Variants in PLXDC2 observed in about 807,000 individuals in gnomAD.
PLXDC2 encodes the protein plexin domain containing 2.
Under a neutral mutation model 68.9 loss-of-function variants are expected in PLXDC2, and 40 were observed. The observed-to-expected ratio is 0.58, with a 90% confidence interval of 0.45 to 0.76. PLXDC2 has a LOEUF of 0.76. Among genes scored for constraint, PLXDC2 ranks in the 30% least tolerant of loss-of-function variants. The pLI, the probability that PLXDC2 is intolerant of heterozygous loss-of-function variation, is 0.00. For missense variants in PLXDC2, 644 were observed against 661.9 expected, an observed-to-expected ratio of 0.97 and a Z score of 0.30; for synonymous variants, 243 against 234.2, an observed-to-expected ratio of 1.04 and a Z score of -0.34.
At chr10:19,892,593 CAGAT>C (rs1483186845) in intron 1 of PLXDC2, among the ~76,000 whole-genome samples, 1 of 152,150 alleles carries the variant, frequency 6.6e-6, no homozygotes, top group Non-Finnish European at 1.5e-5. Context: ...ATTCTTAACT[CAGAT>C]AGTTCCTATG....
intron 5 of PLXDC2, among the ~76,000 whole-genome samples, chr10:20,147,027 G>C (rs1308420431): frequency 6.6e-6 from 1 of 151,988 alleles, no homozygotes; most frequent in Non-Finnish European, 1.5e-5. Flanking sequence ...TAAAAAAAGA[G>C]AGTACACAAT....
intron 3 of PLXDC2, among the ~76,000 whole-genome samples, chr10:20,057,647 C>G (rs993951111): frequency 3.3e-5 from 5 of 151,942 alleles, no homozygotes; most frequent in African/African-American, 1.2e-4. Flanking sequence ...AAGTGAAACC[C>G]TATTAGACAC....
intron 1 of PLXDC2, among the ~76,000 whole-genome samples, chr10:19,851,517 C>G (rs113900875): frequency 1.3e-5 from 2 of 152,156 alleles, no homozygotes; most frequent in Non-Finnish European, 2.9e-5. Flanking sequence ...GTAACCCACA[C>G]TTTCCTTCAG....
At chr10:19,827,230 C>A (rs897395080) in intron 1 of PLXDC2, among the ~76,000 whole-genome samples, 14 of 152,292 alleles carry the variant, frequency 9.2e-5, no homozygotes, top group African/African-American at 3.4e-4. Context: ...TGGGGGAACC[C>A]ATAATTATCC....
chr10:20,073,448 G>T (rs1836375470), intron 4 of PLXDC2, among the ~76,000 whole-genome samples: 1 of 152,128 alleles, frequency 6.6e-6, no homozygotes, highest in African/African-American at 2.4e-5. Flanking sequence ...TATGTTGTAT[G>T]TATTTTACTA....
intron 1 of PLXDC2, among the ~76,000 whole-genome samples, chr10:19,949,419 A>C (rs182348462): frequency 8.7e-4 from 133 of 152,294 alleles, no homozygotes; most frequent in African/African-American, 2.4e-3. Context: ...GAGGGCTCTG[A>C]ATATCTTCTG....
intron 13 of PLXDC2, among the ~76,000 whole-genome samples, chr10:20,268,361 T>C (rs190853581): frequency 3.7e-4 from 56 of 152,320 alleles, no homozygotes; most frequent in Admixed American, 7.2e-4. Context: ...TTATCTGCCT[T>C]TTAAAGTTTC....
intron 12 of PLXDC2, among the ~76,000 whole-genome samples, chr10:20,222,690 A>G: frequency 6.6e-6 from 1 of 152,164 alleles, no homozygotes. Flanking sequence ...CTAAAAACGC[A>G]GATGATCCAT....
chr10:19,906,172 G>A (rs923267939), intron 1 of PLXDC2, among the ~76,000 whole-genome samples: 1 of 152,134 alleles, frequency 6.6e-6, no homozygotes, highest in East Asian at 1.9e-4. Flanking sequence ...GTGTTCACGT[G>A]TGTGTGTGCA....
At chr10:19,865,670 G>T (rs1287272053) in intron 1 of PLXDC2, among the ~76,000 whole-genome samples, 1 of 152,130 alleles carries the variant, frequency 6.6e-6, no homozygotes, top group Non-Finnish European at 1.5e-5. Context: ...TTCTGTTTCA[G>T]CCCTTGATCA....
chr10:20,027,802 AT>A (rs1835428459), intron 2 of PLXDC2, among the ~76,000 whole-genome samples: 1 of 152,172 alleles, frequency 6.6e-6, no homozygotes, highest in Non-Finnish European at 1.5e-5. Context: ...CCTGTGAAAC[AT>A]TTTAAAAATC....
At chr10:19,843,621 C>T (rs1445700849) in intron 1 of PLXDC2, among the ~76,000 whole-genome samples, 1 of 152,116 alleles carries the variant, frequency 6.6e-6, no homozygotes, top group Non-Finnish European at 1.5e-5. Flanking sequence ...TTTGCAACAA[C>T]ATGAATAGAA....
At chr10:19,935,031 G>T (rs978919511) in intron 1 of PLXDC2, among the ~76,000 whole-genome samples, 10 of 152,182 alleles carry the variant, frequency 6.6e-5, no homozygotes, top group South Asian at 2.1e-4. Context: ...AAGGACATAT[G>T]CTCCCCTTGA....
chr10:20,085,037 C>CGCGA (rs1435352224), intron 4 of PLXDC2, among the ~76,000 whole-genome samples: 3 of 151,892 alleles, frequency 2.0e-5, no homozygotes, highest in African/African-American at 7.3e-5. Flanking sequence ...GCACAACCCT[C>CGCGA]GGGTCAAGGA....
At chr10:20,177,128 G>A (rs773052688) in intron 8 of PLXDC2, 34 bp downstream of exon 8, 2 of 1,505,554 alleles carry the variant, frequency 1.3e-6, no homozygotes, top group Non-Finnish European at 9.2e-7. Context: ...TGGAAAACAT[G>A]ATTTCTAAAT....
chr10:19,818,592 G>A (rs1354652879), intron 1 of PLXDC2, among the ~76,000 whole-genome samples: 1 of 152,158 alleles, frequency 6.6e-6, no homozygotes, highest in Admixed American at 6.5e-5. Flanking sequence ...AGAACAAAAT[G>A]CAGATTTCTT....
chr10:19,853,672 C>T (rs1837162714), intron 1 of PLXDC2, among the ~76,000 whole-genome samples: 1 of 151,220 alleles, frequency 6.6e-6, no homozygotes, highest in Non-Finnish European at 1.5e-5. Flanking sequence ...GTTGCAATTT[C>T]TCGAAAACTA....
chr10:20,258,368 A>G (rs1277905611), intron 13 of PLXDC2, among the ~76,000 whole-genome samples: 1 of 152,052 alleles, frequency 6.6e-6, no homozygotes, highest in Non-Finnish European at 1.5e-5. Context: ...AGCTTTGGGT[A>G]TATAGCATGT....
At chr10:19,875,593 G>A (rs1452225647) in intron 1 of PLXDC2, among the ~76,000 whole-genome samples, 1 of 152,196 alleles carries the variant, frequency 6.6e-6, no homozygotes, top group Non-Finnish European at 1.5e-5. Context: ...TATGGTGTGT[G>A]TGTGCACACG....
Sources: gnomAD v4.1 joint callset for allele counts (sites outside exome capture counted in the v4.1 genomes callset) on GRCh38, gnomAD v4.1.1 for gene constraint, MANE v1.5 for transcripts, NCBI Gene and HGNC (gene_info 2026-07-23, HGNC 2026-07-21) for gene names.